The following SYBU variants were observed in gnomAD, a reference collection of about 807,000 sequenced individuals.
The protein encoded by SYBU is GOLSYN A protein.
SYBU carries 21 observed loss-of-function variants against 35.9 expected under a neutral mutation model. The observed-to-expected ratio is 0.58, with a 90% CI of 0.41 to 0.84. The LOEUF (loss-of-function observed/expected upper bound fraction) is 0.84, where lower values mean the gene tolerates loss of function less well. Ranked by LOEUF, SYBU falls within the 40% of genes least tolerant of loss-of-function variation. The probability of loss-of-function intolerance (pLI) is 0.00; values close to 1 mark genes in which losing one functional copy is unlikely to be tolerated. For missense variants in SYBU, 768 were observed against 848.2 expected, an observed-to-expected ratio of 0.91 and a Z score of 1.17; for synonymous variants, 319 against 324.3, an observed-to-expected ratio of 0.98 and a Z score of 0.18.
intron 1 of SYBU, among the ~76,000 whole-genome samples, chr8:109,661,301 G>A (rs1354057526): frequency 6.6e-6 from 1 of 152,186 alleles, no homozygotes; most frequent in African/African-American, 2.4e-5. Context: ...GAAACTATTG[G>A]ACATGTAAAA....
upstream of SYBU, among the ~76,000 whole-genome samples, chr8:109,684,410 T>C (rs1262766948): frequency 6.6e-6 from 1 of 152,232 alleles, no homozygotes; most frequent in Admixed American, 6.5e-5. Context: ...TAATAGATGC[T>C]GGATTTAAAA....
chr8:109,588,839 A>G (rs1823910104), intron 3 of SYBU, among the ~76,000 whole-genome samples: 1 of 152,152 alleles, frequency 6.6e-6, no homozygotes, highest in African/African-American at 2.4e-5. Flanking sequence ...GGTTATTAAA[A>G]TCACGCACAG....
chr8:109,633,147 A>T (rs1432606337), intron 2 of SYBU, among the ~76,000 whole-genome samples: 1 of 152,224 alleles, frequency 6.6e-6, no homozygotes, highest in Non-Finnish European at 1.5e-5. Flanking sequence ...TTCTGAATTT[A>T]AAAATAAAAA....
chr8:109,638,968 A>T (rs1203503965), intron 2 of SYBU, among the ~76,000 whole-genome samples: 1 of 152,232 alleles, frequency 6.6e-6, no homozygotes, highest in East Asian at 1.9e-4. Flanking sequence ...AGGCAGAGAC[A>T]ACATACAAAT....
chr8:109,575,425 G>T lies in SYBU; in HGVS notation c.1473C>A (p.Asp491Glu). 6.2e-7 allele frequency: 1 copy of T among 1,614,094 alleles called. No individual in the cohort carries two copies. The highest frequency in any genetic ancestry group is 8.5e-7 in the Non-Finnish European group (1 of 1,180,012). The change falls in exon 7 of 7, where the codon GAC becomes GAA. Residue 491 changes from aspartate to glutamate, a missense_variant. Transcript: ENST00000276646. ...SVVVERAVQT[D>E]VVPYSPAISE... Reference sequence around the variant, plus strand: ...AGATGGCTGGGCTGTAGGGCACCACGTCGGTCTGAACGGCTCGCTCCACCA... The same window carrying T: ...AGATGGCTGGGCTGTAGGGCACCACTTCGGTCTGAACGGCTCGCTCCACCA...
Position 109,574,816 on chromosome 8 carries a change from TAG to T in SYBU, c.*88_*89del. 7.2e-7 allele frequency: 1 copy of T among 1,390,736 alleles called. No individual in the cohort carries two copies. The highest frequency in any genetic ancestry group is 9.7e-7 in the Non-Finnish European group (1 of 1,033,642). The allele number at this position is 1,390,736 out of a possible 1,614,324, so 86.1% of individuals were successfully genotyped here. Reference sequence around the variant, plus strand: ...AATACCAAGGAGCAAAACGACAGAATAGAGACTGTCACAGATGATTGACTTCC... The same window carrying T: ...AATACCAAGGAGCAAAACGACAGAATAGACTGTCACAGATGATTGACTTCC... On this transcript the variant is annotated 3_prime_UTR_variant, in exon 7 of 7. Transcript: ENST00000276646.
chr8:109,600,303 C>A (rs189656808), intron 3 of SYBU, among the ~76,000 whole-genome samples: 3 of 152,286 alleles, frequency 2.0e-5, no homozygotes, highest in Admixed American at 6.5e-5. Context: ...GTTGGATTGA[C>A]AGACTGATGT....
chr8:109,603,841 T>C (rs923127853), intron 3 of SYBU, among the ~76,000 whole-genome samples: 1 of 152,192 alleles, frequency 6.6e-6, no homozygotes, highest in African/African-American at 2.4e-5. Context: ...TGGTTACCCC[T>C]GGGGTAGTCA....
At chr8:109,578,880 G>A (rs974963923) in intron 5 of SYBU, among the ~76,000 whole-genome samples, 2 of 152,172 alleles carry the variant, frequency 1.3e-5, no homozygotes, top group Admixed American at 1.3e-4. Context: ...CCAGTTTGGA[G>A]GAAATGGAAA....
At chr8:109,580,547 T>C (rs547915690) in intron 4 of SYBU, 1 of 153,820 alleles carries the variant, frequency 6.5e-6, no homozygotes, top group Admixed American at 6.4e-5. Flanking sequence ...ACTTAAAATT[T>C]TTGTTTCATT....
In SYBU at chr8:109,644,801, C is replaced by A. The variant is rs1815426438; in HGVS notation, c.-142G>T. The A allele has an allele frequency of 1.7e-5, 13 of 785,934 alleles. No homozygotes were observed. Among genetic ancestry groups the A allele is most frequent in the Non-Finnish European group, 2.3e-5 (13 of 559,122 alleles). 48.7% of individuals were successfully genotyped at this position (785,934 alleles called of 1,614,324 possible). A position where few individuals can be genotyped will look rare whatever the true frequency, so the allele number is the denominator to read the frequency against. The stretch of plus-strand genomic sequence containing the variant: ...TGGTGAGGCTCCAACGCGCCGCCGC[C>A]GCCACTGCCGCCGATTGCTCTGGGC... On this transcript the variant is annotated 5_prime_UTR_variant, in exon 1 of 7. Coordinates refer to ENST00000276646, the MANE Select transcript of SYBU (RefSeq NM_001099754.2).
Position 109,575,050 on chromosome 8 carries a change from G to A in SYBU, c.1848C>T (p.Ala616=). Residue 616 remains alanine, a synonymous_variant, in exon 7 of 7, where the codon GCC becomes GCT. Transcript: ENST00000276646. ...CCCACAGAACCGTGGGGACCACGGG[G>A]GCAGCCACAGCCAGGAGATCCACCA... ...SFLVDLLAVA[A]PVVPTVLWAF... is the part of the protein sequence containing the mutation. The A allele has an allele frequency of 6.2e-7, 1 of 1,608,296 alleles. No individual in the cohort carries two copies. Among genetic ancestry groups the A allele is most frequent in the South Asian group, 1.1e-5 (1 of 90,344 alleles).
intron 1 of SYBU, among the ~76,000 whole-genome samples, chr8:109,656,988 T>G (rs930601842): frequency 4.6e-5 from 7 of 152,108 alleles, no homozygotes; most frequent in African/African-American, 1.7e-4. Flanking sequence ...AAACCAAGAA[T>G]AAAAACACAT....
chr8:109,661,858 A>G (rs75824597), intron 1 of SYBU, among the ~76,000 whole-genome samples: 8 of 152,298 alleles, frequency 5.3e-5, no homozygotes, highest in African/African-American at 9.6e-5. Flanking sequence ...TTACCCCAAG[A>G]AATATTTAAA....
intron 3 of SYBU, among the ~76,000 whole-genome samples, chr8:109,608,841 T>C (rs530724606): frequency 1.3e-5 from 2 of 152,272 alleles, no homozygotes; most frequent in Admixed American, 1.3e-4. Flanking sequence ...CAAACACAGC[T>C]CACTGTCAAA....
rs1563664429 is a variant in SYBU, at chr8:109,574,882, G to A, written c.*24C>T. Reference sequence around the variant, plus strand: ...GGCACAACCCACATGGGACACATTGGCACACGGTAACAACAACTTCTATTT... The same window carrying A: ...GGCACAACCCACATGGGACACATTGACACACGGTAACAACAACTTCTATTT... On this transcript the variant is annotated 3_prime_UTR_variant, in exon 7 of 7. Coordinates refer to ENST00000276646, the MANE Select transcript of SYBU (RefSeq NM_001099754.2). 6.6e-7 allele frequency: 1 copy of A among 1,509,574 alleles called. No individual in the cohort carries two copies. The highest frequency in any genetic ancestry group is 8.9e-7 in the Non-Finnish European group (1 of 1,128,900). 93.5% of individuals were successfully genotyped at this position (1,509,574 alleles called of 1,614,324 possible). A position where few individuals can be genotyped will look rare whatever the true frequency, so the allele number is the denominator to read the frequency against.
At chr8:109,579,184 T>C (rs1822717741) in intron 5 of SYBU, among the ~76,000 whole-genome samples, 1 of 152,200 alleles carries the variant, frequency 6.6e-6, no homozygotes, top group Non-Finnish European at 1.5e-5. Context: ...AGATGACCTG[T>C]GTCCATGCCC....
intron 3 of SYBU, among the ~76,000 whole-genome samples, chr8:109,616,108 T>C (rs1586839024): frequency 6.9e-6 from 1 of 144,514 alleles, no homozygotes; most frequent in Non-Finnish European, 1.5e-5. Context: ...GCCTCCAGGG[T>C]TCAAGCAATT....
chr8:109,688,779 AAAAG>A (rs1301317757), intron 1 of SYBU, among the ~76,000 whole-genome samples: 1 of 151,918 alleles, frequency 6.6e-6, no homozygotes, highest in African/African-American at 2.4e-5. Context: ...GATAAAAAAA[AAAAG>A]AGAGAGAAGA....
Sources: allele counts gnomAD v4.1 joint callset (sites outside exome capture counted in the v4.1 genomes callset), GRCh38; gene constraint gnomAD v4.1.1; transcripts MANE v1.5; gene names NCBI Gene and HGNC (gene_info 2026-07-23, HGNC 2026-07-21).